BEAN1: variants seen among roughly 807,000 people sequenced by gnomAD.
BEAN1 encodes the protein protein BEAN1.
In BEAN1, 17 loss-of-function variants were observed where a neutral mutation model predicts 17.7. The ratio of observed to expected loss-of-function variants is 0.96; its 90% CI spans 0.66 to 1.44. BEAN1 has a LOEUF of 1.44. BEAN1 is among the 40% of genes most tolerant of loss of function. The pLI, the probability that BEAN1 is intolerant of heterozygous loss-of-function variation, is 0.00. For missense variants in BEAN1, 359 were observed against 374.1 expected, an observed-to-expected ratio of 0.96 and a Z score of 0.33; for synonymous variants, 142 against 151.8, an observed-to-expected ratio of 0.94 and a Z score of 0.47.
At chr16:66,479,925 G>T (rs1169259714) in intron 4 of BEAN1, among the ~76,000 whole-genome samples, 1 of 152,082 alleles carries the variant, frequency 6.6e-6, no homozygotes, top group East Asian at 1.9e-4. Context: ...GAGGGCTTTT[G>T]TTCCTCTCCT....
At chr16:66,458,161 C>T (rs1962943001) in intron 2 of BEAN1, among the ~76,000 whole-genome samples, 2 of 152,316 alleles carry the variant, frequency 1.3e-5, no homozygotes, top group South Asian at 2.1e-4. Context: ...CCTGAAGGTG[C>T]TGAGTCAGCA....
intron 2 of BEAN1, among the ~76,000 whole-genome samples, chr16:66,462,567 C>T (rs866318599): frequency 7.9e-5 from 12 of 152,234 alleles, no homozygotes; most frequent in Admixed American, 2.0e-4. Flanking sequence ...TTTGGGAGGC[C>T]GAGGCGGGTG....
intron 1 of BEAN1, among the ~76,000 whole-genome samples, chr16:66,432,025 T>C (rs531503148): frequency 6.6e-6 from 1 of 152,216 alleles, no homozygotes; most frequent in South Asian, 2.1e-4. Context: ...ACCACTGCAC[T>C]CCAGCCTGGG....
chr16:66,431,636 G>T (rs1183927759), intron 1 of BEAN1, among the ~76,000 whole-genome samples: 1 of 150,708 alleles, frequency 6.6e-6, no homozygotes, highest in African/African-American at 2.4e-5. Context: ...TAAGGATCAC[G>T]GTATATGGTA....
intron 2 of BEAN1, among the ~76,000 whole-genome samples, chr16:66,457,086 G>A (rs1002620264): frequency 1.3e-5 from 2 of 152,158 alleles, no homozygotes; most frequent in Admixed American, 6.5e-5. Flanking sequence ...CAGCTGTGTG[G>A]GACCTCTTGC....
Position 66,481,668 on chromosome 16 carries a change from G to A in BEAN1, c.*743G>A, listed in dbSNP as rs1963991458. The A allele has an allele frequency of 6.1e-6, 1 of 163,164 alleles. No individual in the cohort carries two copies. The highest frequency in any genetic ancestry group is 1.3e-5 in the Non-Finnish European group (1 of 75,704). The allele number at this position is 163,164 out of a possible 1,614,324, so 10.1% of individuals were successfully genotyped here. ...CTGACGCTGCAGGCCCCAGGTAGAT[G>A]GGCAGGGCCCTCCGTGGGTGTGCAG... On this transcript the variant is annotated 3_prime_UTR_variant, in exon 5 of 5. Transcript: ENST00000536005. This position sits in a 1 kb window ranked among gnomAD's most constrained non-coding sequence, Gnocchi z 4.1.
At chr16:66,477,074 C>G (rs1963777500) in intron 3 of BEAN1, among the ~76,000 whole-genome samples, 1 of 152,164 alleles carries the variant, frequency 6.6e-6, no homozygotes, top group South Asian at 2.1e-4. Flanking sequence ...TCCCTGTTCA[C>G]ACCACACTCT....
rs550373669 is a variant in BEAN1 at position 66,466,294 on chromosome 16, A to C, written c.26-3308A>C. Among the ~76,000 whole-genome samples, 161 of 152,284 alleles carry C rather than the reference A, an allele frequency of 1.1e-3. 1 individual carries two copies. Among genetic ancestry groups the C allele is most frequent in the Middle Eastern group, 6.8e-3 (2 of 294 alleles). ...TCTGTCTCAAAAAAAACAAACAAAAAAACAACAACAACAACAAAAAACACA... is the reference window on the plus strand; with the variant it reads ...TCTGTCTCAAAAAAAACAAACAAAACAACAACAACAACAACAAAAAACACA... On this transcript the variant is annotated intron_variant, in intron 2 of 4. Transcript: ENST00000536005.
intron 4 of BEAN1, chr16:66,478,136 AT>A (rs1305031829): frequency 1.3e-5 from 2 of 157,230 alleles, no homozygotes; most frequent in African/African-American, 4.8e-5. Context: ...AAAAAACTGT[AT>A]TGTGTTTCTA....
At chr16:66,488,900 G>T (rs1210046878) in intron 4 of BEAN1, among the ~76,000 whole-genome samples, 1 of 152,076 alleles carries the variant, frequency 6.6e-6, no homozygotes, top group African/African-American at 2.4e-5. Context: ...GGCCAGGCAA[G>T]GTGGCTCACA....
chr16:66,493,675 C>G (rs991888728), downstream of BEAN1: 20 of 462,044 alleles, frequency 4.3e-5, no homozygotes, highest in Non-Finnish European at 6.4e-5. Flanking sequence ...TTCCTGAGAG[C>G]AGAAAAGTCA....
downstream of BEAN1, among the ~76,000 whole-genome samples, chr16:66,487,433 G>C (rs898538960): frequency 6.6e-6 from 1 of 152,182 alleles, no homozygotes; most frequent in African/African-American, 2.4e-5. Flanking sequence ...CCAGCACAGA[G>C]CCCAGGAGGG....
downstream of BEAN1, chr16:66,484,199 T>A: frequency 8.4e-6 from 2 of 239,234 alleles, no homozygotes; most frequent in South Asian, 1.0e-4. The surrounding 1 kb of genome is among the most constrained non-coding windows in gnomAD (Gnocchi z 4.2). Flanking sequence ...GCATGCCCTC[T>A]GTTCTGAACA....
intron 1 of BEAN1, among the ~76,000 whole-genome samples, chr16:66,433,106 TTTA>T (rs1301606731): frequency 1.3e-5 from 2 of 151,510 alleles, no homozygotes; most frequent in Non-Finnish European, 2.9e-5. Context: ...TTTATTTATT[TTTA>T]TTATTTTTAT....
At position 66,481,900 on chromosome 16, in the gene BEAN1, T is replaced by A. The variant is rs1963998949; in HGVS notation, c.*975T>A. ...CAGAGCCAGACCCCGGAGCTGGTGC[T>A]GTCCTTCTAGGTGGCTGCTCATAGC... On this transcript the variant is annotated 3_prime_UTR_variant, in exon 5 of 5. Coordinates refer to ENST00000536005, the MANE Select transcript of BEAN1 (RefSeq NM_001178020.3). This position sits in a 1 kb window ranked among gnomAD's most constrained non-coding sequence, Gnocchi z 4.1. 1 of 152,650 alleles carries A rather than the reference T, an allele frequency of 6.6e-6. No individual in the cohort carries two copies. The highest frequency in any genetic ancestry group is 2.4e-5 in the African/African-American group (1 of 41,470). 9.5% of individuals were successfully genotyped at this position (152,650 alleles called of 1,614,324 possible).
At chr16:66,488,940 G>A (rs1964126874) in intron 4 of BEAN1, among the ~76,000 whole-genome samples, 1 of 152,050 alleles carries the variant, frequency 6.6e-6, no homozygotes, top group South Asian at 2.1e-4. Flanking sequence ...GAGAGGCCGA[G>A]GCAGGTGGAT....
chr16:66,438,039 G>A, intron 2 of BEAN1: 1 of 393,034 alleles, frequency 2.5e-6, no homozygotes, highest in African/African-American at 2.0e-5. Flanking sequence ...AAATGCTGGG[G>A]GAGTCATGTT....
intron 2 of BEAN1, among the ~76,000 whole-genome samples, chr16:66,461,551 G>A (rs1215966849): frequency 2.7e-5 from 4 of 150,142 alleles, no homozygotes; most frequent in African/African-American, 9.8e-5. Flanking sequence ...TGCGTGCTGT[G>A]CAGGGCAGGC....
chr16:66,472,310 G>A lies in BEAN1; in HGVS notation c.289+2445G>A, dbSNP rs761696568. 8.5e-5 allele frequency among the ~76,000 whole-genome samples: 13 copies of A among 152,214 alleles called. 1 individual carries two copies. Among genetic ancestry groups the A allele is most frequent in the East Asian group, 5.8e-4 (3 of 5,198 alleles). ...TGAGAGCAGGGCCCACAGGTGACTC[G>A]TCCCCAGACAGGCTCAGGCCTGGAG... On this transcript the variant is annotated intron_variant, in intron 3 of 4. Transcript: ENST00000536005.
Sources: allele counts gnomAD v4.1 joint callset (sites outside exome capture counted in the v4.1 genomes callset), GRCh38; gene constraint gnomAD v4.1.1; non-coding constraint Gnocchi (gnomAD v3.1); transcripts MANE v1.5; gene names NCBI Gene and HGNC (gene_info 2026-07-23, HGNC 2026-07-21).